Variants in PDE4D observed in about 807,000 individuals in gnomAD.
The protein encoded by PDE4D is 3',5'-cyclic-AMP phosphodiesterase 4D.
A neutral mutation model predicts 87.4 loss-of-function variants in PDE4D; 24 were observed. That is an observed-to-expected ratio of 0.27 (90% confidence interval 0.20 to 0.39). PDE4D has a LOEUF of 0.39. Among genes scored for constraint, PDE4D ranks in the 10% least tolerant of loss-of-function variants. The pLI is 1.00. For missense variants in PDE4D, 714 were observed against 1,041.0 expected (o/e 0.69, Z 4.32); for synonymous variants, 384 against 383.2 (o/e 1.00, Z -0.02).
At chr5:59,847,798 G>T (rs926034351) in intron 1 of PDE4D, among the ~76,000 whole-genome samples, 2 of 152,066 alleles carry the variant, frequency 1.3e-5, no homozygotes, top group African/African-American at 4.8e-5. Flanking sequence ...ATTGGCCTGC[G>T]CCAAGTTATA....
chr5:60,413,624 G>C (rs1163617399), intron 1 of PDE4D, among the ~76,000 whole-genome samples: 2 of 152,078 alleles, frequency 1.3e-5, no homozygotes, highest in African/African-American at 2.4e-5. Context: ...ATTCTAAAAG[G>C]GCCAAAGCCT....
chr5:59,468,402 A>G (rs1431890266), intron 1 of PDE4D, among the ~76,000 whole-genome samples: 1 of 152,192 alleles, frequency 6.6e-6, no homozygotes, highest in Non-Finnish European at 1.5e-5. Context: ...ATTTTCTTTC[A>G]GCATTAAGGA....
chr5:60,346,666 T>C (rs1224918121), intron 1 of PDE4D, among the ~76,000 whole-genome samples: 2 of 152,126 alleles, frequency 1.3e-5, no homozygotes, highest in Non-Finnish European at 2.9e-5. Context: ...CTGCCACTAA[T>C]TGTGGGGTCT....
At chr5:60,432,928 C>T (rs1744469900) in intron 1 of PDE4D, among the ~76,000 whole-genome samples, 1 of 152,152 alleles carries the variant, frequency 6.6e-6, no homozygotes, top group Non-Finnish European at 1.5e-5. Context: ...CAAAAATCAA[C>T]TCAAGATGGA....
intron 2 of PDE4D, among the ~76,000 whole-genome samples, chr5:60,069,495 C>T (rs978145243): frequency 1.3e-5 from 2 of 151,924 alleles, no homozygotes; most frequent in Non-Finnish European, 2.9e-5. Flanking sequence ...ATAAAACAAC[C>T]AAGTATGCAT....
rs547939957 is a variant in PDE4D at position 60,320,669 on chromosome 5, C to T, written c.-89-134982G>A. 2.9e-3 allele frequency among the ~76,000 whole-genome samples: 438 copies of T among 152,246 alleles called. 1 individual carries two copies. Among genetic ancestry groups the T allele is most frequent in the Non-Finnish European group, 5.5e-3 (372 of 68,018 alleles). On this transcript the variant is annotated intron_variant, in intron 1 of 16. Coordinates refer to the PDE4D transcript ENST00000502484. The stretch of plus-strand genomic sequence containing the variant: ...TACCTAGAAAACCCCATAGTCTCTG[C>T]CCAAAACCTCCTAGATCTGATAAAC...
chr5:59,610,905 G>A (rs1487068696), intron 1 of PDE4D, among the ~76,000 whole-genome samples: 2 of 152,048 alleles, frequency 1.3e-5, no homozygotes, highest in Admixed American at 6.6e-5. Flanking sequence ...AGAAAATGCT[G>A]GCAGAAAGAA....
intron 6 of PDE4D, among the ~76,000 whole-genome samples, chr5:59,014,298 G>T (rs538283085): frequency 2.3e-4 from 35 of 152,224 alleles, no homozygotes; most frequent in African/African-American, 6.5e-4. Flanking sequence ...TCTGGCCAGG[G>T]CAATCAGGCA....
At chr5:59,445,015 A>G (rs1434362383) in intron 1 of PDE4D, among the ~76,000 whole-genome samples, 1 of 152,160 alleles carries the variant, frequency 6.6e-6, no homozygotes, top group Non-Finnish European at 1.5e-5. Flanking sequence ...TAAATCTGCT[A>G]CCACCTGGTC....
chr5:59,083,745 G>A (rs1447184624), intron 5 of PDE4D, among the ~76,000 whole-genome samples: 1 of 151,958 alleles, frequency 6.6e-6, no homozygotes, highest in African/African-American at 2.4e-5. Context: ...AATTGTCTCA[G>A]GAAAATAAAT....
At chr5:59,939,335 T>A (rs989598469) in intron 3 of PDE4D, among the ~76,000 whole-genome samples, 1 of 152,206 alleles carries the variant, frequency 6.6e-6, no homozygotes, top group Non-Finnish European at 1.5e-5. Flanking sequence ...CTTCATTTAT[T>A]CTACACTCAA....
intron 1 of PDE4D, among the ~76,000 whole-genome samples, chr5:59,295,631 G>T (rs1195703783): frequency 1.3e-5 from 2 of 152,010 alleles, no homozygotes; most frequent in Admixed American, 6.6e-5. Context: ...ATAGGAAAAA[G>T]GTATCACCTT....
At chr5:60,290,137 G>C (rs1264064457) in intron 1 of PDE4D, among the ~76,000 whole-genome samples, 1 of 152,192 alleles carries the variant, frequency 6.6e-6, no homozygotes, top group Non-Finnish European at 1.5e-5. Context: ...CGGAACATAT[G>C]TGGATTCCAT....
chr5:59,526,181 A>G (rs1813091699), intron 1 of PDE4D, among the ~76,000 whole-genome samples: 1 of 152,202 alleles, frequency 6.6e-6, no homozygotes, highest in South Asian at 2.1e-4. Flanking sequence ...CTAGGAAGGC[A>G]GACCACAGAG....
At chr5:59,068,572 A>G (rs571666999) in intron 5 of PDE4D, among the ~76,000 whole-genome samples, 1 of 152,334 alleles carries the variant, frequency 6.6e-6, no homozygotes, top group South Asian at 2.1e-4. Flanking sequence ...TTTTAATCTT[A>G]TTAATGTTAT....
At chr5:60,442,032 T>C (rs745964236) in intron 1 of PDE4D, among the ~76,000 whole-genome samples, 1 of 152,114 alleles carries the variant, frequency 6.6e-6, no homozygotes, top group Non-Finnish European at 1.5e-5. Context: ...GACAGTGTGG[T>C]GATCCCTCAA....
chr5:59,767,261 G>A (rs1029423760), intron 1 of PDE4D, among the ~76,000 whole-genome samples: 3 of 150,950 alleles, frequency 2.0e-5, no homozygotes, highest in Non-Finnish European at 4.4e-5. Context: ...ATTCTTTTTT[G>A]TTATGTTTTC....
chr5:60,127,012 A>G (rs1779177102), intron 2 of PDE4D, among the ~76,000 whole-genome samples: 1 of 152,208 alleles, frequency 6.6e-6, no homozygotes, highest in African/African-American at 2.4e-5. Context: ...TGACAATATA[A>G]CAGTCCAGAG....
At chr5:60,417,722 A>G (rs908084772) in intron 1 of PDE4D, among the ~76,000 whole-genome samples, 2 of 152,198 alleles carry the variant, frequency 1.3e-5, no homozygotes, top group Non-Finnish European at 2.9e-5. Context: ...AGAAGAAGAA[A>G]AAAAACTCTT....
Sources: gnomAD v4.1 joint callset for allele counts (sites outside exome capture counted in the v4.1 genomes callset) on GRCh38, gnomAD v4.1.1 for gene constraint, MANE v1.5 for transcripts, NCBI Gene and HGNC (gene_info 2026-07-23, HGNC 2026-07-21) for gene names.